The following ACTN2 variants were observed in gnomAD, a reference collection of about 807,000 sequenced individuals.
ACTN2 encodes alpha-actinin-2.
Under a neutral mutation model 113.8 loss-of-function variants are expected in ACTN2, and 39 were observed. That is an observed-to-expected ratio of 0.34 (90% CI 0.27 to 0.45). The LOEUF is 0.45. Among genes scored for constraint, ACTN2 ranks in the 20% least tolerant of loss-of-function variants. The pLI, the probability that ACTN2 is intolerant of heterozygous loss-of-function variation, is 1.00. For missense variants in ACTN2, 992 were observed against 1,177.9 expected (o/e 0.84, Z 2.31); for synonymous variants, 429 against 444.1 (o/e 0.97, Z 0.43).
chr1:236,741,882 A>AT (rs2102925773), intron 10 of ACTN2, among the ~76,000 whole-genome samples: 1 of 152,230 alleles, frequency 6.6e-6, no homozygotes, highest in South Asian at 2.1e-4. Flanking sequence ...ATCCATTTTC[A>AT]TTATCCTGGC....
rs1252325396 is a variant in ACTN2, at chr1:236,744,578, C to A, written c.1256-48C>A. ...TGAGAATGTGGCTGGCATGAGGAAG[C>A]CGCTGTGCCCTCAGCATATTCATAC... On this transcript the variant is annotated intron_variant, in intron 11 of 20. Coordinates refer to ENST00000366578, the MANE Select transcript of ACTN2 (RefSeq NM_001103.4). 4.4e-6 allele frequency: 7 copies of A among 1,607,298 alleles called. No individual in the cohort carries two copies. The African/African-American group carries it at 5.3e-5, about 12-fold the overall frequency.
intron 13 of ACTN2, among the ~76,000 whole-genome samples, 189 bp from the exon 14 acceptor site, chr1:236,748,935 T>C (rs1329047785): frequency 6.6e-6 from 1 of 152,228 alleles, no homozygotes; most frequent in Non-Finnish European, 1.5e-5. Context: ...CTTCTTTGAT[T>C]CAGAAGGCAC....
chr1:236,733,187 C>G (rs1658761403), intron 7 of ACTN2, among the ~76,000 whole-genome samples: 1 of 152,174 alleles, frequency 6.6e-6, no homozygotes, highest in Non-Finnish European at 1.5e-5. Context: ...AAATAACTAT[C>G]TCGAGTTTTC....
At chr1:236,759,881 G>A in intron 19 of ACTN2, 92 bp downstream of exon 19, 1 of 1,194,724 alleles carries the variant, frequency 8.4e-7, no homozygotes, top group African/African-American at 1.5e-5. Context: ...CCAAGGTAGT[G>A]CATTTGGGAT....
At chr1:236,755,536 G>A (rs1659528995) in intron 17 of ACTN2, among the ~76,000 whole-genome samples, 1 of 152,120 alleles carries the variant, frequency 6.6e-6, no homozygotes, top group Non-Finnish European at 1.5e-5. Context: ...TATAACTCAG[G>A]GCTCATCCTG....
chr1:236,711,108 A>T (rs2102883306), intron 1 of ACTN2, among the ~76,000 whole-genome samples: 1 of 152,306 alleles, frequency 6.6e-6, no homozygotes, highest in African/African-American at 2.4e-5. Context: ...GCATCCAGGG[A>T]AGGCCTGTAT....
chr1:236,686,899 G>C (rs1471296463), intron 1 of ACTN2, 100 bp downstream of exon 1: 4 of 1,247,248 alleles, frequency 3.2e-6, no homozygotes, highest in Non-Finnish European at 4.1e-6. Flanking sequence ...GCGAGAGGGC[G>C]CTTTGTGGAG....
chr1:236,719,955 A>G, intron 3 of ACTN2, 150 bp from the exon 4 acceptor site: 1 of 652,160 alleles, frequency 1.5e-6, no homozygotes, highest in Non-Finnish European at 2.8e-6. Context: ...TTATAACCAG[A>G]CATACTGCGG....
Position 236,763,940 on chromosome 1 carries a change from C to T in ACTN2, c.*1321C>T, listed in dbSNP as rs527375632. ...GCTTGTAGAGAATAAAGCAGGAATT[C>T]TTTTTATATCTGAGTCCTTAATGAT... is the stretch of plus-strand genomic sequence containing the variant. On this transcript the variant is annotated 3_prime_UTR_variant, in exon 21 of 21. Coordinates refer to ENST00000366578, the MANE Select transcript of ACTN2 (RefSeq NM_001103.4). 6.6e-6 allele frequency: 1 copy of T among 152,136 alleles called. No individual in the cohort carries two copies. Among genetic ancestry groups the T allele is most frequent in the East Asian group, 1.9e-4 (1 of 5,198 alleles). The allele number at this position is 152,136 out of a possible 1,614,324, so 9.4% of individuals were successfully genotyped here. A position where few individuals can be genotyped will look rare whatever the true frequency, so the allele number is the denominator to read the frequency against.
rs141151250 is a variant in ACTN2 at position 236,715,825 on chromosome 1, A to G, written c.127-2033A>G. 4.5e-4 allele frequency among the ~76,000 whole-genome samples: 68 copies of G among 152,290 alleles called. 1 individual carries two copies. In the East Asian group the frequency reaches 0.011, roughly 25 times the overall value. On this transcript the variant is annotated intron_variant, in intron 1 of 20. Transcript: ENST00000366578. ...ACAAAAATCAGCTAGGTGTGGTGGC[A>G]GGCACCTGTATTCCTAGCTACTAGG... is the stretch of plus-strand genomic sequence containing the variant.
intron 9 of ACTN2, among the ~76,000 whole-genome samples, chr1:236,738,840 G>A (rs1455053025): frequency 3.3e-5 from 5 of 152,212 alleles, no homozygotes; most frequent in Non-Finnish European, 7.3e-5. Flanking sequence ...CAATACAGTT[G>A]TGTAGTAAGT....
chr1:236,719,745 G>A (rs1386923214), intron 3 of ACTN2, among the ~76,000 whole-genome samples: 1 of 151,486 alleles, frequency 6.6e-6, no homozygotes, highest in Non-Finnish European at 1.5e-5. Flanking sequence ...GTTGCAGTGA[G>A]CCACGGTTGT....
At chr1:236,715,181 A>G (rs556965522) in intron 1 of ACTN2, among the ~76,000 whole-genome samples, 2 of 149,178 alleles carry the variant, frequency 1.3e-5, no homozygotes, top group Non-Finnish European at 3.0e-5. Context: ...TTCTACTTTA[A>G]GGTTTAGGGT....
chr1:236,710,729 T>A (rs1326630383), intron 1 of ACTN2, among the ~76,000 whole-genome samples: 6 of 152,204 alleles, frequency 3.9e-5, no homozygotes, highest in Non-Finnish European at 8.8e-5. Flanking sequence ...AATTACCACC[T>A]GAACTCCGCC....
intron 9 of ACTN2, among the ~76,000 whole-genome samples, chr1:236,738,638 C>T (rs1658965994): frequency 6.6e-6 from 1 of 152,198 alleles, no homozygotes; most frequent in African/African-American, 2.4e-5. Context: ...TGTCATTTTC[C>T]AAGTGCTCAG....
In ACTN2 at chr1:236,755,177, G is replaced by A. The variant is rs1659518058; in HGVS notation, c.2133G>A (p.Lys711=). The A allele has an allele frequency of 6.2e-7, 1 of 1,614,146 alleles. No individual in the cohort carries two copies. Among genetic ancestry groups the A allele is most frequent in the African/African-American group, 1.3e-5 (1 of 75,022 alleles). Residue 711 remains lysine, a synonymous_variant, in exon 17 of 21, where the codon AAG becomes AAA. Coordinates refer to ENST00000366578, the MANE Select transcript of ACTN2 (RefSeq NM_001103.4). ...AGGAGGCCCTTGTCTTTGACAACAA[G>A]CACACGAACTACACGATGGAGGTAC... is the stretch of plus-strand genomic sequence containing the variant. ...LIQEALVFDN[K]HTNYTMEHIR... is the part of the protein sequence containing the mutation.
At chr1:236,698,955 G>A (rs545141209) in intron 1 of ACTN2, among the ~76,000 whole-genome samples, 1 of 152,296 alleles carries the variant, frequency 6.6e-6, no homozygotes, top group African/African-American at 2.4e-5. Context: ...TTGAGGGTGG[G>A]GAAGTGGTAG....
rs1311976475 is a variant in ACTN2 at position 236,686,593 on chromosome 1, C to G, written c.-81C>G. On this transcript the variant is annotated 5_prime_UTR_variant, in exon 1 of 21. Coordinates refer to ENST00000366578, the MANE Select transcript of ACTN2 (RefSeq NM_001103.4). Reference sequence around the variant, plus strand: ...CCCGCGCCCGCCGCCCGCCGCCCGCCGCCTCCGTGGGTCCGTTTGCCAGTC... The same window carrying G: ...CCCGCGCCCGCCGCCCGCCGCCCGCGGCCTCCGTGGGTCCGTTTGCCAGTC... 3 of 1,419,256 alleles carry G rather than the reference C, an allele frequency of 2.1e-6. No homozygotes were observed. The highest frequency in any genetic ancestry group is 3.0e-5 in the African/African-American group (2 of 65,712). The allele number at this position is 1,419,256 out of a possible 1,614,324, so 87.9% of individuals were successfully genotyped here. A position where few individuals can be genotyped will look rare whatever the true frequency, so the allele number is the denominator to read the frequency against.
intron 1 of ACTN2, among the ~76,000 whole-genome samples, chr1:236,698,024 G>A (rs1244698629): frequency 6.8e-6 from 1 of 147,108 alleles, no homozygotes; most frequent in African/African-American, 2.5e-5. Flanking sequence ...TCCACCTGCC[G>A]TGGCCTCCCA....
Sources: allele counts gnomAD v4.1 joint callset (sites outside exome capture counted in the v4.1 genomes callset), GRCh38; gene constraint gnomAD v4.1.1; transcripts MANE v1.5; gene names NCBI Gene and HGNC (gene_info 2026-07-23, HGNC 2026-07-21).